Variants in ARRDC5 observed in about 807,000 individuals in gnomAD.
ARRDC5 encodes arrestin domain containing 5, also known as arrestin domain-containing protein 5.
In ARRDC5, 12 loss-of-function variants were observed where a neutral mutation model predicts 13.3. The observed-to-expected ratio is 0.90, with a 90% confidence interval of 0.58 to 1.46. ARRDC5 has a LOEUF of 1.46. Among genes scored for constraint, ARRDC5 ranks in the 40% most tolerant of loss-of-function variants. ARRDC5 has a pLI of 0.00. For missense variants in ARRDC5, 406 were observed against 418.7 expected, an observed-to-expected ratio of 0.97 and a Z score of 0.26; for synonymous variants, 181 against 173.4, an observed-to-expected ratio of 1.04 and a Z score of -0.34.
At chr19:4,916,414 C>A in the ARRDC5 span, among the ~76,000 whole-genome samples, 2 of 152,152 alleles carry the variant, frequency 1.3e-5, no homozygotes, top group African/African-American at 4.8e-5. Flanking sequence ...CCTGGTGACG[C>A]AGCCTCCAAA....
chr19:4,910,753 G>A, the ARRDC5 span: 1 of 1,222,336 alleles, frequency 8.2e-7, no homozygotes, highest in South Asian at 1.8e-5. Flanking sequence ...AGGACTGGAA[G>A]GGCATCCTGG....
At chr19:4,905,788 AT>A (rs1257681676), upstream of ARRDC5, among the ~76,000 whole-genome samples, 1 of 152,132 alleles carries the variant, frequency 6.6e-6, no homozygotes, top group African/African-American at 2.4e-5. Flanking sequence ...AAGTTCTGGG[AT>A]TACAGGCGTG....
chr19:4,909,400 C>T, the ARRDC5 span: 2 of 645,814 alleles, frequency 3.1e-6, no homozygotes, highest in Non-Finnish European at 2.8e-6. Flanking sequence ...TTCTCGCTTC[C>T]CGCCACTGCG....
intron 2 of ARRDC5, among the ~76,000 whole-genome samples, chr19:4,892,075 T>C (rs2656937): frequency 0.21 from 31,177 of 151,478 alleles, 3,981 homozygotes; most frequent in Middle Eastern, 0.39. Flanking sequence ...TCTCCCAGCA[T>C]GTTTTGTTTT....
chr19:4,910,825 C>A, the ARRDC5 span: 1 of 1,554,452 alleles, frequency 6.4e-7, no homozygotes, highest in Non-Finnish European at 8.7e-7. Context: ...CATGGCATGG[C>A]TCAGAGGTGC....
chr19:4,914,650 C>T, the ARRDC5 span, among the ~76,000 whole-genome samples: 8 of 151,006 alleles, frequency 5.3e-5, no homozygotes, highest in Non-Finnish European at 1.0e-4. Flanking sequence ...GCCCCCACCC[C>T]TCAATCTTTT....
chr19:4,913,763 C>G, the ARRDC5 span, among the ~76,000 whole-genome samples: 1 of 151,292 alleles, frequency 6.6e-6, no homozygotes, highest in Admixed American at 6.6e-5. Flanking sequence ...CCTTCATAAC[C>G]GCCTCTTAGT....
chr19:4,896,324 AAAAAAAT>A (rs1216827375), intron 2 of ARRDC5, among the ~76,000 whole-genome samples: 47 of 69,488 alleles, frequency 6.8e-4, no homozygotes, highest in African/African-American at 2.5e-3. Flanking sequence ...AAAAAAAAAA[AAAAAAAT>A]ATATATATAT....
the ARRDC5 span, among the ~76,000 whole-genome samples, chr19:4,913,170 T>C: frequency 3.3e-5 from 5 of 151,800 alleles, no homozygotes; most frequent in Non-Finnish European, 7.4e-5. Flanking sequence ...AATACTTGAG[T>C]CATACAATAG....
intron 1 of ARRDC5, 43 bp downstream of exon 1, chr19:4,902,530 G>C (rs2031956319): frequency 6.3e-7 from 1 of 1,592,744 alleles, no homozygotes; most frequent in African/African-American, 1.3e-5. Flanking sequence ...TCCAGACCCA[G>C]GTTCCTGTCA....
chr19:4,890,970 G>A lies in ARRDC5; in HGVS notation c.*76C>T. 1 of 1,302,692 alleles carries A rather than the reference G, an allele frequency of 7.7e-7. No homozygotes were observed. The highest frequency in any genetic ancestry group is 2.1e-4 in the Middle Eastern group (1 of 4,772). 80.7% of individuals were successfully genotyped at this position (1,302,692 alleles called of 1,614,324 possible). ...GTTGCCCACTCCTCGACTCCTCTGA[G>A]AGTCACCTGTGCAAGAGAGAGGGCT... On this transcript the variant is annotated 3_prime_UTR_variant, in exon 3 of 3. Transcript: ENST00000650722.
upstream of ARRDC5, among the ~76,000 whole-genome samples, chr19:4,905,108 CTTTTTT>C (rs61443004): frequency 3.2e-5 from 3 of 95,182 alleles, no homozygotes; most frequent in South Asian, 3.3e-4. Context: ...CGTAAACTTT[CTTTTTT>C]TTTTTTTTTT....
At chr19:4,909,922 A>T in the ARRDC5 span, among the ~76,000 whole-genome samples, 1 of 148,694 alleles carries the variant, frequency 6.7e-6, no homozygotes, top group African/African-American at 2.5e-5. Context: ...GCCGGGGAGG[A>T]TGTCAGGCTC....
chr19:4,907,554 G>A (rs1044612272), upstream of ARRDC5, among the ~76,000 whole-genome samples: 8 of 151,968 alleles, frequency 5.3e-5, no homozygotes, highest in Non-Finnish European at 1.2e-4. Context: ...ACACGTGTGA[G>A]CCACCACGCC....
At chr19:4,893,377 G>C (rs548491944) in intron 2 of ARRDC5, among the ~76,000 whole-genome samples, 3 of 147,986 alleles carry the variant, frequency 2.0e-5, no homozygotes, top group Admixed American at 6.9e-5. Flanking sequence ...GTGATGGCAC[G>C]CAACTGTAAT....
intron 2 of ARRDC5, among the ~76,000 whole-genome samples, chr19:4,893,026 C>T (rs1386145149): frequency 6.7e-6 from 1 of 149,100 alleles, no homozygotes; most frequent in Non-Finnish European, 1.5e-5. Flanking sequence ...TTGCTGGAAT[C>T]TGGGAGGTGG....
chr19:4,911,910 G>A, the ARRDC5 span, among the ~76,000 whole-genome samples: 3 of 152,168 alleles, frequency 2.0e-5, no homozygotes, highest in Admixed American at 2.0e-4. Flanking sequence ...CGTCAGTTGA[G>A]CTGCGTGTAC....
chr19:4,895,422 C>CAA (rs1039157516), intron 2 of ARRDC5, among the ~76,000 whole-genome samples: 762 of 70,372 alleles, frequency 0.011, 23 homozygotes, highest in African/African-American at 0.024. Context: ...GACTCCGTCT[C>CAA]AAAAAAAAAA....
chr19:4,894,237 C>T (rs1248090352), intron 2 of ARRDC5, among the ~76,000 whole-genome samples: 13 of 128,746 alleles, frequency 1.0e-4, no homozygotes, highest in Admixed American at 3.1e-4. Context: ...ATTGGCCGGG[C>T]GCGGTGGCTC....
Sources: allele counts gnomAD v4.1 joint callset (sites outside exome capture counted in the v4.1 genomes callset), GRCh38; gene constraint gnomAD v4.1.1; transcripts MANE v1.5; gene names NCBI Gene and HGNC (gene_info 2026-07-23, HGNC 2026-07-21).